Variants in IL1RAPL1 observed in about 807,000 individuals in gnomAD.
The protein encoded by IL1RAPL1 is interleukin-1 receptor accessory protein-like 1.
A neutral mutation model predicts 48.4 loss-of-function variants in IL1RAPL1; 3 were observed. The observed-to-expected ratio is 0.06, with a 90% CI of 0.03 to 0.16. The LOEUF is 0.16. IL1RAPL1 is among the 10% of genes least tolerant of loss of function. IL1RAPL1 has a pLI of 1.00. For missense variants in IL1RAPL1, 349 were observed against 530.6 expected (o/e 0.66, Z 3.36); for synonymous variants, 185 against 187.7 (o/e 0.99, Z 0.12).
intron 2 of IL1RAPL1, among the ~76,000 whole-genome samples, chrX:29,183,482 C>G (rs1930187456): frequency 9.0e-6 from 1 of 111,278 alleles, no homozygotes; most frequent in Non-Finnish European, 1.9e-5. Context: ...AAGCAGGTGA[C>G]TTTGACTGAC....
intron 1 of IL1RAPL1, among the ~76,000 whole-genome samples, chrX:28,684,769 T>C (rs1281702771): frequency 8.9e-6 from 1 of 111,902 alleles, no homozygotes; most frequent in Non-Finnish European, 1.9e-5. Context: ...TTGCATTTCA[T>C]AGGGCTTTAG....
At chrX:29,357,930 T>A (rs190724050) in intron 3 of IL1RAPL1, among the ~76,000 whole-genome samples, 220 of 111,860 alleles carry the variant, frequency 2.0e-3, no homozygotes, top group Middle Eastern at 4.6e-3. Flanking sequence ...GGGTATGATC[T>A]AGTGATAATA....
At chrX:29,531,275 A>G (rs1921030355) in intron 5 of IL1RAPL1, among the ~76,000 whole-genome samples, 2 of 111,587 alleles carry the variant, frequency 1.8e-5, no homozygotes, top group Admixed American at 1.9e-4. Flanking sequence ...TTTGAAAAAT[A>G]CAAAGGAAAG....
intron 5 of IL1RAPL1, among the ~76,000 whole-genome samples, chrX:29,552,089 T>C (rs183545284): frequency 9.0e-6 from 1 of 111,372 alleles, no homozygotes; most frequent in East Asian, 2.8e-4. Flanking sequence ...TTCCAGGCCA[T>C]TGTATGTTTT....
chrX:29,770,433 A>G (rs1929033938), intron 6 of IL1RAPL1, among the ~76,000 whole-genome samples: 1 of 108,938 alleles, frequency 9.2e-6, no homozygotes, highest in Non-Finnish European at 1.9e-5. Context: ...AAAACCTGAC[A>G]TGAGACTCAT....
chrX:29,629,216 C>T (rs1924698862), intron 5 of IL1RAPL1, among the ~76,000 whole-genome samples: 1 of 111,801 alleles, frequency 8.9e-6, no homozygotes, highest in African/African-American at 3.2e-5. Context: ...ATTTTAATCA[C>T]TAATTTAACC....
In IL1RAPL1 at chrX:29,803,204, CACATGTAT is replaced by C. The variant is rs746032837; in HGVS notation, c.779-114258_779-114251del. On this transcript the variant is annotated intron_variant, in intron 6 of 10. Coordinates refer to ENST00000378993, the MANE Select transcript of IL1RAPL1 (RefSeq NM_014271.4). ...ATATGTATATATGTATACATATACACACATGTATATATGTATACATATACACACATGTA... is the reference window on the plus strand; with the variant it reads ...ATATGTATATATGTATACATATACACATATGTATACATATACACACATGTA... Among the ~76,000 whole-genome samples, 83 of 34,407 alleles carry C rather than the reference CACATGTAT, an allele frequency of 2.4e-3. 6 individuals are homozygous for C. The highest frequency in any genetic ancestry group is 9.9e-3 in the African/African-American group (76 of 7,669). 29.9% of individuals were successfully genotyped at this position (34,407 alleles called of 115,157 possible).
chrX:28,657,199 G>T (rs1934760023), intron 1 of IL1RAPL1, among the ~76,000 whole-genome samples: 1 of 111,601 alleles, frequency 9.0e-6, no homozygotes, highest in African/African-American at 3.3e-5. Flanking sequence ...TATGGGGTGT[G>T]TAACATTTGT....
chrX:28,644,121 A>G (rs185959959), intron 1 of IL1RAPL1, among the ~76,000 whole-genome samples: 2 of 96,045 alleles, frequency 2.1e-5, no homozygotes, highest in South Asian at 8.1e-4. Context: ...CCTAAGTGTT[A>G]TATATATATA....
chrX:29,836,188 C>CTTTTT (rs201175211), intron 6 of IL1RAPL1, among the ~76,000 whole-genome samples: 13 of 89,165 alleles, frequency 1.5e-4, no homozygotes, highest in African/African-American at 5.6e-4. Context: ...TTTCATTTTT[C>CTTTTT]TTTTTTTTTT....
At position 29,478,372 on chromosome X, in the gene IL1RAPL1, A is replaced by G. The variant is rs140441536; in HGVS notation, c.703+79064A>G. Among the ~76,000 whole-genome samples the G allele has an allele frequency of 3.7e-4, 41 of 111,722 alleles. No individual in the cohort carries two copies. In the East Asian group the frequency reaches 0.011, roughly 31 times the overall value. ...GCTCCATTTTCAAAATTTATCCAAA[A>G]TTCTGCCGTGTAGTTCAGCACCTCC... On this transcript the variant is annotated intron_variant, in intron 5 of 10. Transcript: ENST00000378993.
At chrX:28,762,786 G>GCACACACACACA (rs759005946) in intron 1 of IL1RAPL1, among the ~76,000 whole-genome samples, 29 of 62,963 alleles carry the variant, frequency 4.6e-4, no homozygotes, top group East Asian at 1.8e-3. Context: ...GCACGCGCGC[G>GCACACACACACA]CACACACACA....
At chrX:29,084,199 A>T (rs1927903821) in intron 2 of IL1RAPL1, among the ~76,000 whole-genome samples, 1 of 112,031 alleles carries the variant, frequency 8.9e-6, no homozygotes, top group African/African-American at 3.2e-5. Flanking sequence ...ATACTTTTTT[A>T]AAAACCCTGT....
At chrX:29,400,868 C>T (rs1310597904) in intron 5 of IL1RAPL1, among the ~76,000 whole-genome samples, 3 of 111,947 alleles carry the variant, frequency 2.7e-5, no homozygotes, top group African/African-American at 9.7e-5. Context: ...GTAAAGCAAT[C>T]TATCCTGAAT....
At chrX:29,054,704 G>C (rs751808104) in intron 2 of IL1RAPL1, among the ~76,000 whole-genome samples, 2 of 112,064 alleles carry the variant, frequency 1.8e-5, no homozygotes, top group Non-Finnish European at 3.8e-5. Context: ...TTGGGTTTTG[G>C]TTTGTCTACA....
At chrX:29,647,347 C>CA (rs763429832) in intron 5 of IL1RAPL1, among the ~76,000 whole-genome samples, 216 of 54,479 alleles carry the variant, frequency 4.0e-3, no homozygotes, top group East Asian at 0.025. Context: ...GACTCTGCCT[C>CA]AAAAAAAAAA....
chrX:29,850,660 A>G (rs1931346471), intron 6 of IL1RAPL1, among the ~76,000 whole-genome samples: 1 of 112,365 alleles, frequency 8.9e-6, no homozygotes, highest in African/African-American at 3.2e-5. Context: ...AATTCACCTT[A>G]TTGCTGCTCG....
At chrX:29,658,875 C>G (rs909711539) in intron 5 of IL1RAPL1, among the ~76,000 whole-genome samples, 2 of 111,578 alleles carry the variant, frequency 1.8e-5, no homozygotes, top group African/African-American at 6.5e-5. Flanking sequence ...TAAAGTATTC[C>G]TAATTATAAT....
intron 5 of IL1RAPL1, among the ~76,000 whole-genome samples, chrX:29,537,556 T>G (rs1334602255): frequency 6.2e-5 from 6 of 97,522 alleles, no homozygotes; most frequent in Non-Finnish European, 1.2e-4. Flanking sequence ...GATGATAAAA[T>G]GCAAACAATT....
Sources: gnomAD v4.1 joint callset for allele counts (sites outside exome capture counted in the v4.1 genomes callset) on GRCh38, gnomAD v4.1.1 for gene constraint, MANE v1.5 for transcripts, NCBI Gene and HGNC (gene_info 2026-07-23, HGNC 2026-07-21) for gene names.